Variants in SCLT1 observed in about 807,000 individuals in gnomAD.
SCLT1 encodes the protein sodium channel-associated protein 1.
A neutral mutation model predicts 112.8 loss-of-function variants in SCLT1; 78 were observed. The observed-to-expected ratio is 0.69, with a 90% CI of 0.58 to 0.83. SCLT1 has a LOEUF of 0.83. Ranked by LOEUF, SCLT1 falls within the 40% of genes least tolerant of loss-of-function variation. The pLI, the probability that SCLT1 is intolerant of heterozygous loss-of-function variation, is 0.00. For synonymous variants in SCLT1, 257 were observed against 254.7 expected, an observed-to-expected ratio of 1.01 and a Z score of -0.09; for missense variants, 747 against 770.4, an observed-to-expected ratio of 0.97 and a Z score of 0.36.
At chr4:129,039,896 GCGCGCACACA>G (rs1320722945) in intron 4 of SCLT1, 9 of 206,646 alleles carry the variant, frequency 4.4e-5, no homozygotes, top group East Asian at 6.2e-5. Flanking sequence ...GAGTGTGCGC[GCGCGCACACA>G]CACACACACA....
At chr4:128,915,320 C>T (rs1249758943) in intron 18 of SCLT1, among the ~76,000 whole-genome samples, 2 of 152,182 alleles carry the variant, frequency 1.3e-5, no homozygotes, top group African/African-American at 2.4e-5. Flanking sequence ...ATTGAATAAT[C>T]CTAGCTGCAA....
At chr4:129,033,488 C>T in intron 5 of SCLT1, among the ~76,000 whole-genome samples, 1 of 106,440 alleles carries the variant, frequency 9.4e-6, no homozygotes, top group African/African-American at 3.4e-5. Flanking sequence ...GCCCATGTAT[C>T]CCAGAACTTA....
intron 2 of SCLT1, among the ~76,000 whole-genome samples, chr4:129,081,915 A>T (rs1244561376): frequency 6.6e-6 from 1 of 152,224 alleles, no homozygotes; most frequent in Admixed American, 6.5e-5. Flanking sequence ...CAATATTTAA[A>T]TAAGAAGATA....
At chr4:128,970,019 T>C (rs1167320537) in intron 10 of SCLT1, among the ~76,000 whole-genome samples, 1 of 152,206 alleles carries the variant, frequency 6.6e-6, no homozygotes, top group Admixed American at 6.5e-5. Flanking sequence ...AACCAGAGTC[T>C]ATTGTGTCAA....
chr4:128,878,252 C>T (rs1173961439), intron 3 of SCLT1, among the ~76,000 whole-genome samples: 3 of 152,126 alleles, frequency 2.0e-5, no homozygotes, highest in Non-Finnish European at 4.4e-5. Flanking sequence ...AATGTATCGC[C>T]AATGTGTCCT....
chr4:128,961,612 TG>T (rs1288377266), intron 11 of SCLT1, among the ~76,000 whole-genome samples: 2 of 152,116 alleles, frequency 1.3e-5, no homozygotes, highest in Non-Finnish European at 2.9e-5. Context: ...GTCAGTCAAG[TG>T]GTTTATTTTC....
At chr4:128,946,510 G>A (rs951907199) in intron 15 of SCLT1, among the ~76,000 whole-genome samples, 1 of 152,164 alleles carries the variant, frequency 6.6e-6, no homozygotes, top group Non-Finnish European at 1.5e-5. Context: ...GATCGAGGCT[G>A]CAGTGAGCCA....
At chr4:128,959,450 C>T in intron 12 of SCLT1, 150 bp downstream of exon 12, 1 of 612,848 alleles carries the variant, frequency 1.6e-6, no homozygotes, top group South Asian at 2.0e-5. Flanking sequence ...CTGGTTTTAC[C>T]ATCCAAGAAT....
intron 11 of SCLT1, among the ~76,000 whole-genome samples, chr4:128,963,123 T>C (rs1739884735): frequency 2.0e-5 from 3 of 152,180 alleles, no homozygotes; most frequent in Admixed American, 2.0e-4. Flanking sequence ...GAGTCAATTA[T>C]ATTATTGAAT....
chr4:128,894,679 T>C (rs1733599917), intron 18 of SCLT1, among the ~76,000 whole-genome samples: 1 of 151,984 alleles, frequency 6.6e-6, no homozygotes, highest in South Asian at 2.1e-4. Flanking sequence ...TCTCACTTTG[T>C]CTTTCTTTTT....
At chr4:128,914,762 A>G (rs1048624865) in intron 18 of SCLT1, among the ~76,000 whole-genome samples, 4 of 152,264 alleles carry the variant, frequency 2.6e-5, no homozygotes, top group Admixed American at 2.6e-4. Context: ...TGTTTTCAAG[A>G]TCATGGTTAT....
intron 2 of SCLT1, among the ~76,000 whole-genome samples, chr4:129,060,805 GGT>G (rs1453936938): frequency 9.9e-5 from 15 of 152,266 alleles, no homozygotes; most frequent in African/African-American, 3.6e-4. Flanking sequence ...CTGGGTTCCT[GGT>G]GCAGGGTCTT....
intron 6 of SCLT1, among the ~76,000 whole-genome samples, chr4:129,003,392 C>G (rs531434063): frequency 2.7e-5 from 4 of 149,112 alleles, no homozygotes; most frequent in African/African-American, 9.9e-5. Flanking sequence ...TATAACAAAC[C>G]TGCACGTTCT....
chr4:128,917,109 C>T (rs929784979), intron 18 of SCLT1, among the ~76,000 whole-genome samples: 1 of 152,154 alleles, frequency 6.6e-6, no homozygotes, highest in Admixed American at 6.6e-5. Context: ...GTCACCTGTT[C>T]CTTTCTGTAA....
intron 18 of SCLT1, among the ~76,000 whole-genome samples, chr4:128,904,036 A>G (rs1734513219): frequency 6.6e-6 from 1 of 152,178 alleles, no homozygotes; most frequent in African/African-American, 2.4e-5. Context: ...TACCTATCAG[A>G]GATGATTTAA....
chr4:128,903,304 C>T (rs371760238), intron 18 of SCLT1, among the ~76,000 whole-genome samples: 41 of 151,380 alleles, frequency 2.7e-4, no homozygotes, highest in African/African-American at 9.2e-4. Flanking sequence ...GACGTCACTA[C>T]GCAACAGGAA....
intron 18 of SCLT1, among the ~76,000 whole-genome samples, chr4:128,891,906 AAGTGCT>A (rs1308895717): frequency 6.6e-6 from 1 of 152,114 alleles, no homozygotes; most frequent in Non-Finnish European, 1.5e-5. Context: ...CGGCCTCCCA[AAGTGCT>A]GGGATTATAG....
chr4:128,958,577 T>C, intron 12 of SCLT1, among the ~76,000 whole-genome samples: 1 of 152,182 alleles, frequency 6.6e-6, no homozygotes, highest in South Asian at 2.1e-4. Context: ...GATGTTTATT[T>C]TTAATGGCTT....
At chr4:128,955,627 C>A (rs1281676141) in intron 13 of SCLT1, among the ~76,000 whole-genome samples, 1 of 152,134 alleles carries the variant, frequency 6.6e-6, no homozygotes, top group African/African-American at 2.4e-5. Flanking sequence ...ATTTGAAGGA[C>A]ATGCCGTGAA....
Sources: allele counts gnomAD v4.1 joint callset (sites outside exome capture counted in the v4.1 genomes callset), GRCh38; gene constraint gnomAD v4.1.1; transcripts MANE v1.5; gene names NCBI Gene and HGNC (gene_info 2026-07-23, HGNC 2026-07-21).